Variants in SCLT1 observed in about 807,000 individuals in gnomAD.
SCLT1 encodes sodium channel-associated protein 1.
A neutral mutation model predicts 112.8 loss-of-function variants in SCLT1; 78 were observed. That is an observed-to-expected ratio of 0.69 (90% CI 0.58 to 0.83). SCLT1 has a LOEUF of 0.83. Ranked by LOEUF, SCLT1 falls within the 40% of genes least tolerant of loss-of-function variation. SCLT1 has a pLI of 0.00. For synonymous variants in SCLT1, 257 were observed against 254.7 expected (o/e 1.01, Z -0.09); for missense variants, 747 against 770.4 (o/e 0.97, Z 0.36).
At chr4:128,891,174 T>C in intron 18 of SCLT1, 37 bp from the exon 19 acceptor site, 1 of 1,452,102 alleles carries the variant, frequency 6.9e-7, no homozygotes, top group Non-Finnish European at 9.6e-7. Flanking sequence ...AATATAATTG[T>C]TCCAAATAGA....
At chr4:128,894,329 T>C (rs1733561451) in intron 18 of SCLT1, among the ~76,000 whole-genome samples, 1 of 150,532 alleles carries the variant, frequency 6.6e-6, no homozygotes, top group South Asian at 2.1e-4. Flanking sequence ...TACTGCAACA[T>C]GGCAGGCAAA....
chr4:129,055,686 C>T (rs1006209584), intron 2 of SCLT1, among the ~76,000 whole-genome samples: 1 of 152,080 alleles, frequency 6.6e-6, no homozygotes, highest in South Asian at 2.1e-4. Flanking sequence ...AATTTCAAGC[C>T]AGTGGTTCTT....
At chr4:128,948,142 T>C (rs1415982509) in intron 15 of SCLT1, among the ~76,000 whole-genome samples, 1 of 151,762 alleles carries the variant, frequency 6.6e-6, no homozygotes, top group Non-Finnish European at 1.5e-5. Flanking sequence ...GAGACCATCC[T>C]GGCTAACATG....
At chr4:128,980,574 A>C (rs1741558895) in intron 9 of SCLT1, among the ~76,000 whole-genome samples, 1 of 152,160 alleles carries the variant, frequency 6.6e-6, no homozygotes, top group Admixed American at 6.5e-5. Flanking sequence ...TATTTTAAAG[A>C]TGTCCTGGAT....
downstream of SCLT1, among the ~76,000 whole-genome samples, chr4:128,882,328 G>A (rs995506334): frequency 2.0e-5 from 3 of 152,132 alleles, no homozygotes; most frequent in African/African-American, 4.8e-5. Flanking sequence ...ATGAAAATAA[G>A]CTATGTGCCT....
chr4:128,953,134 T>C (rs891489513), intron 13 of SCLT1, among the ~76,000 whole-genome samples: 1 of 152,194 alleles, frequency 6.6e-6, no homozygotes, highest in African/African-American at 2.4e-5. Flanking sequence ...TATGAAAATC[T>C]ACCATATTAG....
intron 9 of SCLT1, among the ~76,000 whole-genome samples, chr4:128,973,202 T>C (rs958320514): frequency 1.3e-5 from 2 of 152,116 alleles, no homozygotes; most frequent in Non-Finnish European, 2.9e-5. Context: ...TTATAATATA[T>C]AATACTTTAT....
chr4:128,964,266 T>C (rs1427422395), intron 11 of SCLT1, among the ~76,000 whole-genome samples: 1 of 152,204 alleles, frequency 6.6e-6, no homozygotes, highest in Admixed American at 6.5e-5. Flanking sequence ...CTAAACATCC[T>C]GTAGTTATTG....
intron 18 of SCLT1, among the ~76,000 whole-genome samples, chr4:128,921,011 G>A (rs780858907): frequency 1.2e-4 from 19 of 152,026 alleles, no homozygotes; most frequent in Non-Finnish European, 2.4e-4. Context: ...ATACATCAGT[G>A]ACATCTAAGC....
At chr4:129,030,334 C>G (rs1053711945) in intron 5 of SCLT1, among the ~76,000 whole-genome samples, 1 of 152,142 alleles carries the variant, frequency 6.6e-6, no homozygotes, top group Non-Finnish European at 1.5e-5. Context: ...AAATTTATAG[C>G]ACTAAATGCC....
At chr4:128,922,587 G>T (rs776887008) in intron 18 of SCLT1, among the ~76,000 whole-genome samples, 1 of 152,200 alleles carries the variant, frequency 6.6e-6, no homozygotes, top group African/African-American at 2.4e-5. Context: ...ACTTACAAGT[G>T]AGAGCTAAAT....
intron 18 of SCLT1, among the ~76,000 whole-genome samples, chr4:128,910,194 A>T (rs564805636): frequency 6.6e-6 from 1 of 152,314 alleles, no homozygotes; most frequent in Admixed American, 6.5e-5. Context: ...TTACCTTATA[A>T]AAAGTATTTG....
At chr4:129,058,941 T>C (rs990725942) in intron 2 of SCLT1, among the ~76,000 whole-genome samples, 5 of 152,140 alleles carry the variant, frequency 3.3e-5, no homozygotes, top group Non-Finnish European at 7.4e-5. Flanking sequence ...GGTGTATATA[T>C]ATTTAAAAAG....
At chr4:128,894,772 G>A (rs770891180) in intron 18 of SCLT1, among the ~76,000 whole-genome samples, 6 of 151,788 alleles carry the variant, frequency 4.0e-5, no homozygotes, top group East Asian at 1.9e-4. Flanking sequence ...TCCGCCTCCC[G>A]CTTCAAGTGA....
At chr4:128,912,454 C>T (rs1039742574) in intron 18 of SCLT1, among the ~76,000 whole-genome samples, 1 of 151,980 alleles carries the variant, frequency 6.6e-6, no homozygotes, top group African/African-American at 2.4e-5. Flanking sequence ...TCTATTATGA[C>T]TGTCATAGAA....
chr4:129,023,232 C>T (rs1745658392), intron 5 of SCLT1, among the ~76,000 whole-genome samples: 1 of 152,122 alleles, frequency 6.6e-6, no homozygotes, highest in Non-Finnish European at 1.5e-5. Context: ...GAAGAAACTG[C>T]CTTAACTAAT....
intron 4 of SCLT1, chr4:129,039,900 G>GCGCGCA (rs1233253067): frequency 8.2e-5 from 18 of 219,024 alleles, no homozygotes; most frequent in African/African-American, 3.0e-4. Flanking sequence ...GTGCGCGCGC[G>GCGCGCA]CACACACACA....
At chr4:128,984,031 T>G (rs1741890273) in intron 9 of SCLT1, among the ~76,000 whole-genome samples, 1 of 152,220 alleles carries the variant, frequency 6.6e-6, no homozygotes, top group African/African-American at 2.4e-5. Flanking sequence ...AAGTATAGTT[T>G]TATGTATACA....
chr4:129,071,611 T>G (rs1751010097), intron 2 of SCLT1, among the ~76,000 whole-genome samples: 1 of 152,192 alleles, frequency 6.6e-6, no homozygotes, highest in Admixed American at 6.5e-5. Flanking sequence ...GATATAAGAA[T>G]GACTACTCCT....
Sources: gnomAD v4.1 joint callset for allele counts (sites outside exome capture counted in the v4.1 genomes callset) on GRCh38, gnomAD v4.1.1 for gene constraint, MANE v1.5 for transcripts, NCBI Gene and HGNC (gene_info 2026-07-23, HGNC 2026-07-21) for gene names.